Variants in MOB3B observed in about 807,000 individuals in gnomAD.
MOB3B encodes MOB kinase activator-like 2B.
A neutral mutation model predicts 18.7 loss-of-function variants in MOB3B; 7 were observed. The observed-to-expected ratio is 0.37, with a 90% CI of 0.21 to 0.70. MOB3B has a LOEUF of 0.70. Among genes scored for constraint, MOB3B ranks in the 30% least tolerant of loss-of-function variants. The pLI is 0.52. For synonymous variants in MOB3B, 111 were observed against 99.9 expected, an observed-to-expected ratio of 1.11 and a Z score of -0.66; for missense variants, 253 against 281.3, an observed-to-expected ratio of 0.90 and a Z score of 0.72.
At chr9:27,456,643 A>G (rs1316860401) in intron 1 of MOB3B, among the ~76,000 whole-genome samples, 1 of 152,146 alleles carries the variant, frequency 6.6e-6, no homozygotes, top group Non-Finnish European at 1.5e-5. Context: ...CTATGACAGT[A>G]TTTGTCACCT....
chr9:27,495,587 C>G (rs1819886703), intron 1 of MOB3B, among the ~76,000 whole-genome samples: 1 of 152,110 alleles, frequency 6.6e-6, no homozygotes, highest in South Asian at 2.1e-4. Context: ...TTCAGACACT[C>G]AATTCAGGCT....
intron 2 of MOB3B, among the ~76,000 whole-genome samples, chr9:27,379,643 T>C (rs1821544335): frequency 6.6e-6 from 1 of 152,098 alleles, no homozygotes; most frequent in Admixed American, 6.6e-5. Flanking sequence ...TGAGACCTGG[T>C]CCAAAGCCAT....
At chr9:27,368,353 T>TATACAC (rs1554645707) in intron 2 of MOB3B, among the ~76,000 whole-genome samples, 1 of 145,888 alleles carries the variant, frequency 6.9e-6, no homozygotes, top group African/African-American at 2.5e-5. Context: ...CACACATACA[T>TATACAC]ACACACACAC....
intron 1 of MOB3B, chr9:27,524,431 T>TA (rs1820396015): frequency 6.2e-7 from 1 of 1,614,012 alleles, no homozygotes; most frequent in South Asian, 1.1e-5. Flanking sequence ...GACTGTAACT[T>TA]ACTGAACGTT....
chr9:27,418,320 C>A (rs183619834), intron 2 of MOB3B, among the ~76,000 whole-genome samples: 1 of 151,956 alleles, frequency 6.6e-6, no homozygotes, highest in African/African-American at 2.4e-5. Flanking sequence ...AAGGTACCCT[C>A]CCTAATTCAC....
At chr9:27,407,388 G>A (rs957105334) in intron 2 of MOB3B, among the ~76,000 whole-genome samples, 15 of 152,176 alleles carry the variant, frequency 9.9e-5, no homozygotes, top group African/African-American at 3.1e-4. Flanking sequence ...TAGTTATAAA[G>A]AGGGTTTGAG....
chr9:27,379,573 G>A (rs1367464070), intron 2 of MOB3B, among the ~76,000 whole-genome samples: 1 of 152,156 alleles, frequency 6.6e-6, no homozygotes. Flanking sequence ...AGTGTTGGAG[G>A]AGCCGGGCTG....
intron 3 of MOB3B, among the ~76,000 whole-genome samples, chr9:27,344,599 G>A (rs1587143696): frequency 6.6e-6 from 1 of 152,018 alleles, no homozygotes; most frequent in East Asian, 1.9e-4. Context: ...TCCAGAGAAA[G>A]AGGAAACCAC....
Position 27,359,380 on chromosome 9 carries a change from G to GTGT in MOB3B, c.419-145_419-144insACA, listed in dbSNP as rs1168804233. 74 of 461,718 alleles carry GTGT rather than the reference G, an allele frequency of 1.6e-4. No homozygotes were observed. In the Admixed American group the frequency reaches 2.3e-3, roughly 14 times the overall value. The allele number at this position is 461,718 out of a possible 1,614,324, so 28.6% of individuals were successfully genotyped here. A position where few individuals can be genotyped will look rare whatever the true frequency, so the allele number is the denominator to read the frequency against. Reference sequence around the variant, plus strand: ...GAGTCATAGGGAGTGTGTGTGTGTGGGGGGGGGGGGTTGGTAGCAAACTAG... The same window carrying GTGT: ...GAGTCATAGGGAGTGTGTGTGTGTGGTGTGGGGGGGGGGTTGGTAGCAAACTAG... On this transcript the variant is annotated intron_variant, in intron 2 of 3. Coordinates refer to ENST00000262244, the MANE Select transcript of MOB3B (RefSeq NM_024761.5).
At chr9:27,386,154 T>G (rs754110389) in intron 2 of MOB3B, among the ~76,000 whole-genome samples, 1 of 152,238 alleles carries the variant, frequency 6.6e-6, no homozygotes, top group Non-Finnish European at 1.5e-5. Flanking sequence ...GTTTCGAGTC[T>G]GCCTCCCTTG....
At chr9:27,423,517 G>C (rs1354795597) in intron 2 of MOB3B, among the ~76,000 whole-genome samples, 1 of 151,250 alleles carries the variant, frequency 6.6e-6, no homozygotes, top group East Asian at 1.9e-4. Flanking sequence ...GATCCTTAAA[G>C]AAGGTATGGA....
At chr9:27,501,632 G>A (rs552678667) in intron 1 of MOB3B, among the ~76,000 whole-genome samples, 2 of 151,338 alleles carry the variant, frequency 1.3e-5, no homozygotes, top group East Asian at 3.9e-4. Context: ...GATAGCATTG[G>A]GATAAATAAC....
chr9:27,494,494 C>T (rs1819868982), intron 1 of MOB3B, among the ~76,000 whole-genome samples: 1 of 152,130 alleles, frequency 6.6e-6, no homozygotes, highest in Admixed American at 6.6e-5. Flanking sequence ...CTTTATTTCT[C>T]AAGCTGGCCG....
rs571934531 is a variant in MOB3B, at chr9:27,456,923, A to G, written c.-198-1175T>C. ...ACCACACTGGATGGCACAGCTCTGA[A>G]GTCTTCGATGCCCTCTTCTCCACTA... On this transcript the variant is annotated intron_variant, in intron 1 of 3. Transcript: ENST00000262244. Among the ~76,000 whole-genome samples the G allele has an allele frequency of 5.9e-5, 9 of 152,338 alleles. No homozygotes were observed. In the East Asian group the frequency reaches 1.5e-3, roughly 26 times the overall value.
chr9:27,402,625 T>C (rs1367704078), intron 2 of MOB3B, among the ~76,000 whole-genome samples: 1 of 152,230 alleles, frequency 6.6e-6, no homozygotes, highest in Non-Finnish European at 1.5e-5. Context: ...ACCACTAAGT[T>C]AACAAAAATT....
intron 2 of MOB3B, among the ~76,000 whole-genome samples, chr9:27,386,503 C>G: frequency 6.6e-6 from 1 of 152,156 alleles, no homozygotes; most frequent in Non-Finnish European, 1.5e-5. Flanking sequence ...AGGAACAGCA[C>G]GAATAATTTT....
chr9:27,401,353 G>A (rs900599939), intron 2 of MOB3B, among the ~76,000 whole-genome samples: 1 of 152,184 alleles, frequency 6.6e-6, no homozygotes, highest in African/African-American at 2.4e-5. Flanking sequence ...CAAAAGTCCT[G>A]AAAGAGGGGC....
intron 1 of MOB3B, among the ~76,000 whole-genome samples, chr9:27,503,644 G>C (rs1820019415): frequency 6.6e-6 from 1 of 152,242 alleles, no homozygotes. Flanking sequence ...CTGTCCAGTG[G>C]CACCAGAATC....
At chr9:27,407,072 C>A (rs757825945) in intron 2 of MOB3B, among the ~76,000 whole-genome samples, 6 of 152,018 alleles carry the variant, frequency 3.9e-5, no homozygotes, top group Non-Finnish European at 7.4e-5. Flanking sequence ...CTCCTGACCT[C>A]GTGATTCACC....
Sources: allele counts gnomAD v4.1 joint callset (sites outside exome capture counted in the v4.1 genomes callset), GRCh38; gene constraint gnomAD v4.1.1; transcripts MANE v1.5; gene names NCBI Gene and HGNC (gene_info 2026-07-23, HGNC 2026-07-21).